Variants in THAP5 observed in about 807,000 individuals in gnomAD.
The protein encoded by THAP5 is THAP domain-containing protein 5.
THAP5 carries 26 observed loss-of-function variants against 34.0 expected under a neutral mutation model. That is an observed-to-expected ratio of 0.77 (90% confidence interval 0.56 to 1.06). The LOEUF (loss-of-function observed/expected upper bound fraction) is 1.06. THAP5 is among the 50% of genes least tolerant of loss of function. The probability of loss-of-function intolerance (pLI) is 0.00; values close to 1 mark genes in which losing one functional copy is unlikely to be tolerated. For synonymous variants in THAP5, 125 were observed against 153.0 expected (o/e 0.82, Z 1.35); for missense variants, 394 against 452.8 (o/e 0.87, Z 1.18).
chr7:108,564,494 G>C lies in THAP5; in HGVS notation c.885C>G (p.Thr295=), dbSNP rs1345393996. ...CAATGTCTGTGTCTTCCATTTCCGT[G>C]GTTTCTTTTTGTGCAGATATAAAAG... ...VNSFISAQKE[T]TEMEDTDIED... is the part of the protein sequence containing the mutation. Residue 295 remains threonine (T), a synonymous_variant, in exon 3 of 3, where the codon ACC becomes ACG. Transcript: ENST00000415914. 1 of 1,613,832 alleles carries C rather than the reference G, an allele frequency of 6.2e-7. No homozygotes were observed. Among genetic ancestry groups the C allele is most frequent in the Admixed American group, 1.7e-5 (1 of 60,016 alleles).
the THAP5 span, among the ~76,000 whole-genome samples, chr7:108,549,402 G>A: frequency 1.2e-4 from 18 of 152,322 alleles, no homozygotes; most frequent in African/African-American, 3.4e-4. Flanking sequence ...TTACAGGCGT[G>A]AGCCACTGCA....
chr7:108,555,474 A>G (rs1413029065), intron 1 of THAP5, among the ~76,000 whole-genome samples: 1 of 151,838 alleles, frequency 6.6e-6, no homozygotes, highest in East Asian at 2.0e-4. Context: ...GGCCCCAAAC[A>G]ACAGATTTTT....
Position 108,564,418 on chromosome 7 carries a change from C to T in THAP5, c.961G>A (p.Glu321Lys), listed in dbSNP as rs370107035. ...ATATCTTGTCTGCAGTAAGAATGTT[C>T]GATTTGTAAAACTTCTGTCCCATAG... ...VDYGTEVLQI[E>K]HSYCRQDINK... The change falls in exon 3 of 3, where the codon GAA becomes AAA. Residue 321 changes from glutamate (E) to lysine (K), a missense_variant. Physicochemically the swap from Glu to Lys is moderately conservative, Grantham distance 56. Transcript: ENST00000415914. The T allele has an allele frequency of 5.0e-6, 8 of 1,613,700 alleles. No homozygotes were observed. Among genetic ancestry groups the T allele is most frequent in the Admixed American group, 1.7e-5 (1 of 59,992 alleles).
chr7:108,567,612 TTTCA>T (rs1352084984), intron 1 of THAP5, among the ~76,000 whole-genome samples: 37 of 152,238 alleles, frequency 2.4e-4, no homozygotes, highest in Admixed American at 2.2e-3. Context: ...GATAATTTTG[TTTCA>T]TTGTCTTATG....
intron 1 of THAP5, chr7:108,554,960 G>C (rs1349927162): frequency 6.6e-6 from 1 of 152,110 alleles, no homozygotes; most frequent in Non-Finnish European, 1.5e-5. Flanking sequence ...GTTTAGTTTA[G>C]CCATAAATTT....
the THAP5 span, among the ~76,000 whole-genome samples, chr7:108,548,783 C>T: frequency 6.6e-6 from 1 of 152,108 alleles, no homozygotes; most frequent in African/African-American, 2.4e-5. Context: ...AAAGACCTCC[C>T]CCATGATTCA....
chr7:108,569,712 C>G, upstream of THAP5: 1 of 1,097,782 alleles, frequency 9.1e-7, no homozygotes, highest in South Asian at 1.4e-5. Context: ...CGTCTGTCGA[C>G]TCACTTCCGC....
At chr7:108,558,317 C>G (rs1334667084), downstream of THAP5, among the ~76,000 whole-genome samples, 1 of 148,522 alleles carries the variant, frequency 6.7e-6, no homozygotes, top group Admixed American at 6.7e-5. Context: ...ATAAAACTTT[C>G]CTGCCCTTTT....
downstream of THAP5, among the ~76,000 whole-genome samples, chr7:108,552,109 C>T (rs192838612): frequency 6.6e-6 from 1 of 152,266 alleles, no homozygotes; most frequent in East Asian, 1.9e-4. Context: ...TTCACTTAAC[C>T]TCTGTTTTCA....
chr7:108,551,088 A>G (rs986889754), downstream of THAP5, among the ~76,000 whole-genome samples: 2 of 152,220 alleles, frequency 1.3e-5, no homozygotes, highest in East Asian at 3.8e-4. Flanking sequence ...GTTTTCAGAA[A>G]TGCAATATAG....
At chr7:108,569,085 C>G in intron 1 of THAP5, 6 of 1,034,632 alleles carry the variant, frequency 5.8e-6, no homozygotes, top group Non-Finnish European at 7.0e-6. Context: ...TGAAATTATA[C>G]CTATGCGACC....
intron 1 of THAP5, chr7:108,569,207 G>C: frequency 7.5e-7 from 1 of 1,334,812 alleles, no homozygotes; most frequent in Non-Finnish European, 9.6e-7. Flanking sequence ...CGTGAAGTGG[G>C]GAAAAGACTG....
chr7:108,554,863 TCAAAA>T (rs1864375646), intron 1 of THAP5: 1 of 152,202 alleles, frequency 6.6e-6, no homozygotes, highest in South Asian at 2.1e-4. Flanking sequence ...GCTGTATCTA[TCAAAA>T]CAAAGAGAAA....
At chr7:108,566,066 A>T (rs769798953) in intron 1 of THAP5, 44 bp from the exon 2 acceptor site, 23 of 1,471,520 alleles carry the variant, frequency 1.6e-5, no homozygotes, top group Non-Finnish European at 8.1e-6. Flanking sequence ...AAACTTTGCT[A>T]TATTTTTACA....
At chr7:108,569,111 GT>G (rs1490130941) in intron 1 of THAP5, 146 of 1,055,180 alleles carry the variant, frequency 1.4e-4, no homozygotes, top group Non-Finnish European at 1.6e-4. Context: ...CGCGGGGGGT[GT>G]AAATTAACTT....
chr7:108,559,381 A>G (rs932641963), downstream of THAP5, among the ~76,000 whole-genome samples: 21 of 152,118 alleles, frequency 1.4e-4, no homozygotes, highest in Admixed American at 6.5e-5. Flanking sequence ...GAGAGAGGAA[A>G]TAAGTGAATA....
At chr7:108,558,114 A>T (rs2154517916), downstream of THAP5, among the ~76,000 whole-genome samples, 1 of 152,118 alleles carries the variant, frequency 6.6e-6, no homozygotes, top group African/African-American at 2.4e-5. Context: ...AATTTCCCCC[A>T]TGATCCAATC....
downstream of THAP5, among the ~76,000 whole-genome samples, chr7:108,554,383 C>T (rs949236292): frequency 5.3e-5 from 8 of 152,098 alleles, no homozygotes; most frequent in African/African-American, 1.9e-4. Flanking sequence ...AGATGAGCTG[C>T]ATTGAGAGTG....
At chr7:108,548,738 A>C in the THAP5 span, among the ~76,000 whole-genome samples, 1 of 152,158 alleles carries the variant, frequency 6.6e-6, no homozygotes, top group African/African-American at 2.4e-5. Flanking sequence ...ATCAGATCTC[A>C]TGAGACTTAT....
Sources: allele counts gnomAD v4.1 joint callset (sites outside exome capture counted in the v4.1 genomes callset), GRCh38; gene constraint gnomAD v4.1.1; transcripts MANE v1.5; gene names NCBI Gene and HGNC (gene_info 2026-07-23, HGNC 2026-07-21).